Variants in KMT2C observed in about 807,000 individuals in gnomAD.
KMT2C encodes the protein lysine methyltransferase 2C, also known as histone-lysine N-methyltransferase 2C.
KMT2C carries 88 observed loss-of-function variants against 507.9 expected under a neutral mutation model. That is an observed-to-expected ratio of 0.17 (90% confidence interval 0.15 to 0.21). KMT2C has a LOEUF of 0.21. KMT2C is among the 10% of genes least tolerant of loss of function. KMT2C has a pLI of 1.00. For missense variants in KMT2C, 4,954 were observed against 5,957.8 expected (o/e 0.83, Z 5.55); for synonymous variants, 2,049 against 2,080.8 (o/e 0.98, Z 0.42).
intron 9 of KMT2C, among the ~76,000 whole-genome samples, chr7:152,255,142 T>TATATATATATACATAC (rs1273227523): frequency 7.9e-6 from 1 of 126,372 alleles, no homozygotes; most frequent in Non-Finnish European, 1.6e-5. Flanking sequence ...TATATATATA[T>TATATATATATACATAC]ATACATATAT....
chr7:152,142,387 TA>T (rs1178387047), intron 55 of KMT2C, among the ~76,000 whole-genome samples: 1 of 152,226 alleles, frequency 6.6e-6, no homozygotes, highest in Non-Finnish European at 1.5e-5. Flanking sequence ...AAAAGCTGCC[TA>T]TTCAATTAAG....
intron 39 of KMT2C, among the ~76,000 whole-genome samples, chr7:152,171,590 C>T (rs757591906): frequency 1.8e-4 from 27 of 152,142 alleles, no homozygotes; most frequent in Non-Finnish European, 2.9e-4. Context: ...AGAGATATTC[C>T]GTAACCTTCC....
intron 1 of KMT2C, among the ~76,000 whole-genome samples, chr7:152,405,441 C>T (rs1396492895): frequency 2.7e-4 from 39 of 147,036 alleles, no homozygotes; most frequent in East Asian, 1.1e-3. Context: ...GATGGGGTTT[C>T]GCCATGTTAG....
intron 1 of KMT2C, among the ~76,000 whole-genome samples, chr7:152,377,734 C>CA (rs59181675): frequency 0.086 from 5,316 of 61,734 alleles, 333 homozygotes; most frequent in African/African-American, 0.19. Flanking sequence ...GACTCCGTCT[C>CA]AAAAAAAAAA....
rs531219758 is a variant in KMT2C at position 152,337,523 on chromosome 7, AT to A, written c.251-6785del. Among the ~76,000 whole-genome samples the A allele has an allele frequency of 6.3e-4, 96 of 152,290 alleles. 1 individual carries two copies. Among genetic ancestry groups the A allele is most frequent in the African/African-American group, 2.1e-3 (86 of 41,550 alleles). ...TGGTTCTAAGACATGAGAAAGTTTAATAGCAAAAGGTGTCTGCTGTGTTAGT... is the reference window on the plus strand; with the variant it reads ...TGGTTCTAAGACATGAGAAAGTTTAAAGCAAAAGGTGTCTGCTGTGTTAGT... On this transcript the variant is annotated intron_variant, in intron 2 of 58. Transcript: ENST00000262189.
chr7:152,198,441 T>G (rs1192370560), intron 27 of KMT2C, among the ~76,000 whole-genome samples: 1 of 152,128 alleles, frequency 6.6e-6, no homozygotes, highest in African/African-American at 2.4e-5. Context: ...GTTTATAAAA[T>G]TAACTGAGTA....
chr7:152,375,372 C>G (rs2097320809), intron 1 of KMT2C, among the ~76,000 whole-genome samples: 1 of 151,594 alleles, frequency 6.6e-6, no homozygotes, highest in African/African-American at 2.4e-5. Flanking sequence ...AGGCTTTTGT[C>G]AACCTTGCAC....
chr7:152,176,850 G>A lies in KMT2C; in HGVS notation c.8603C>T (p.Thr2868Ile). The A allele has an allele frequency of 6.2e-7, 1 of 1,614,212 alleles. No individual in the cohort carries two copies. The highest frequency in any genetic ancestry group is 8.5e-7 in the Non-Finnish European group (1 of 1,180,028). ...AHSDLNDGEKTSLHPCDPDLF... is the reference protein window; with the variant it reads ...AHSDLNDGEKISLHPCDPDLF... ...ATCTGGATCACAAGGATGCAAAGAA[G>A]TCTTTTCTCCATCATTTAGGTCTGA... The change falls in exon 38 of 59, where the codon ACT becomes ATT. Residue 2868 changes from threonine (T) to isoleucine (I), a missense_variant. By Grantham distance (89) the Thr-to-Ile change is moderately conservative (BLOSUM62 -1). Coordinates refer to ENST00000262189, the MANE Select transcript of KMT2C (RefSeq NM_170606.3).
At chr7:152,228,788 A>C (rs2095016361) in intron 18 of KMT2C, among the ~76,000 whole-genome samples, 1 of 152,196 alleles carries the variant, frequency 6.6e-6, no homozygotes, top group Non-Finnish European at 1.5e-5. Flanking sequence ...CAAAGAAGAA[A>C]AGAAACATGT....
chr7:152,167,058 C>A, intron 42 of KMT2C, 88 bp downstream of exon 42: 2 of 1,058,784 alleles, frequency 1.9e-6, no homozygotes, highest in Non-Finnish European at 2.8e-6. Flanking sequence ...CAAAAAAAAT[C>A]ACTAGTCAAA....
In KMT2C at chr7:152,163,155, T is replaced by C; in HGVS notation, c.10422A>G (p.Gln3474=). 1 of 1,614,210 alleles carries C rather than the reference T, an allele frequency of 6.2e-7. No individual in the cohort carries two copies. The highest frequency in any genetic ancestry group is 8.5e-7 in the Non-Finnish European group (1 of 1,180,036). The change falls in exon 43 of 59, where the codon CAA becomes CAG. Residue 3474 remains glutamine (Q), a synonymous_variant. Transcript: ENST00000262189. ...AAACCTGCCCCATTTGCTGTTGGTG[T>C]TGTGGAGACTGCTGAAGGGGTCCTA... ...QPLGPLQQSP[Q]HQQQMGQVLQ... is the part of the protein sequence containing the mutation.
rs2129119492 is a variant in KMT2C at position 152,180,997 on chromosome 7, C to T, written c.6863G>A (p.Ser2288Asn). The T allele has an allele frequency of 8.7e-6, 14 of 1,614,110 alleles. No individual in the cohort carries two copies. Among genetic ancestry groups the T allele is most frequent in the Non-Finnish European group, 1.2e-5 (14 of 1,180,036 alleles). ...ACGGGCAGCAGATGGGGAAACACGG[C>T]TAAATGTGTCTGAAAGACCAGGTCC... ...PPGPGLSDTF[S>N]RVSPSAARDP... Residue 2288 changes from serine to asparagine, a missense_variant, in exon 36 of 59, where the codon AGC (serine) becomes AAC (asparagine). Physicochemically the swap from Ser to Asn is conservative, Grantham distance 46. This residue lies in a region of KMT2C where 1,689 missense variants were observed against 1,654.3 expected (regional missense o/e 1.02). Transcript: ENST00000262189.
chr7:152,387,841 T>C (rs2097446173), intron 1 of KMT2C, among the ~76,000 whole-genome samples: 1 of 152,064 alleles, frequency 6.6e-6, no homozygotes, highest in Non-Finnish European at 1.5e-5. Context: ...ACACGTCTTA[T>C]CTACAAACCA....
intron 23 of KMT2C, among the ~76,000 whole-genome samples, chr7:152,211,585 A>T (rs1380931595): frequency 6.6e-6 from 1 of 152,214 alleles, no homozygotes; most frequent in Non-Finnish European, 1.5e-5. Flanking sequence ...CCAAGAGAGC[A>T]CTTTTATTGA....
At chr7:152,266,441 C>T (rs2095859535) in intron 7 of KMT2C, among the ~76,000 whole-genome samples, 1 of 151,938 alleles carries the variant, frequency 6.6e-6, no homozygotes, top group Admixed American at 6.6e-5. Context: ...GACGGTGTTT[C>T]GCCACATTGC....
intron 23 of KMT2C, among the ~76,000 whole-genome samples, chr7:152,215,597 C>G (rs542959066): frequency 2.8e-5 from 4 of 145,388 alleles, no homozygotes; most frequent in African/African-American, 1.0e-4. Flanking sequence ...AGTTAAATTG[C>G]TTATATTTCC....
chr7:152,359,832 T>A (rs1277400311), intron 1 of KMT2C, among the ~76,000 whole-genome samples: 6 of 152,090 alleles, frequency 3.9e-5, no homozygotes, highest in Admixed American at 2.6e-4. Context: ...ATATATCACC[T>A]GAGGTCAGGA....
intron 23 of KMT2C, among the ~76,000 whole-genome samples, chr7:152,208,706 T>C (rs1477123500): frequency 6.6e-6 from 1 of 152,252 alleles, no homozygotes; most frequent in Non-Finnish European, 1.5e-5. Flanking sequence ...CATTTTAAAA[T>C]CAAGTTGTTA....
At chr7:152,334,299 A>G (rs1367450002) in intron 2 of KMT2C, among the ~76,000 whole-genome samples, 2 of 152,148 alleles carry the variant, frequency 1.3e-5, no homozygotes, top group Non-Finnish European at 2.9e-5. Context: ...CTAAAAATAC[A>G]GAATTAGCCG....
Sources: gnomAD v4.1 joint callset for allele counts (sites outside exome capture counted in the v4.1 genomes callset) on GRCh38, gnomAD v4.1.1 for gene constraint, gnomAD v4.1.1 regional missense constraint, MANE v1.5 for transcripts, NCBI Gene and HGNC (gene_info 2026-07-23, HGNC 2026-07-21) for gene names.